The following CETP variants were observed in gnomAD, a reference collection of about 807,000 sequenced individuals.
CETP encodes BPI fold containing family F.
In CETP, 56 loss-of-function variants were observed where a neutral mutation model predicts 66.5. The ratio of observed to expected loss-of-function variants is 0.84; its 90% CI spans 0.68 to 1.05. The LOEUF (loss-of-function observed/expected upper bound fraction) is 1.05, where lower values mean the gene tolerates loss of function less well. Among genes scored for constraint, CETP ranks in the 50% least tolerant of loss-of-function variants. The probability of loss-of-function intolerance (pLI) is 0.00; values close to 1 mark genes in which losing one functional copy is unlikely to be tolerated. For missense variants in CETP, 612 were observed against 609.6 expected, an observed-to-expected ratio of 1.00 and a Z score of -0.04; for synonymous variants, 251 against 245.7, an observed-to-expected ratio of 1.02 and a Z score of -0.20.
chr16:56,969,573 G>A (rs1726310745), intron 3 of CETP, 38 bp from the exon 4 acceptor site: 3 of 1,614,230 alleles, frequency 1.9e-6, no homozygotes, highest in Non-Finnish European at 2.5e-6. Flanking sequence ...CTGGGCTGGA[G>A]GGCTGAATGA....
chr16:56,982,888 G>A (rs147526510), intron 14 of CETP, among the ~76,000 whole-genome samples: 1 of 152,304 alleles, frequency 6.6e-6, no homozygotes, highest in East Asian at 1.9e-4. Context: ...GCATCTCTTG[G>A]CCTCATTTTC....
Position 56,967,668 on chromosome 16 carries a change from AAAAC to A in CETP, c.234-1715_234-1712del, listed in dbSNP as rs200184680. The stretch of plus-strand genomic sequence containing the variant: ...AGACTCAGTCTCAAAAAAAAAAAAA[AAAAC>A]AATGGTATGAGCTTTAAATTTCTGT... On this transcript the variant is annotated intron_variant, in intron 2 of 15. Transcript: ENST00000200676. Among the ~76,000 whole-genome samples the A allele has an allele frequency of 9.1e-3, 1,340 of 147,484 alleles. 16 individuals carry two copies. Among genetic ancestry groups the A allele is most frequent in the African/African-American group, 0.023 (934 of 41,114 alleles).
rs761381765 is a variant in CETP at position 56,962,092 on chromosome 16, T to C, written c.113T>C (p.Leu38Pro). 1 of 1,613,230 alleles carries C rather than the reference T, an allele frequency of 6.2e-7. No homozygotes were observed. The highest frequency in any genetic ancestry group is 1.1e-5 in the South Asian group (1 of 91,052). ...IVCRITKPALLVLNHETAKVI... is the reference protein window; with the variant it reads ...IVCRITKPALPVLNHETAKVI... ...TGCCGCATCACCAAGCCTGCCCTCC[T>C]GGTGTGTAAGTATCAGTGCATCTGT... is the stretch of plus-strand genomic sequence containing the variant. The change falls in exon 1 of 16, where the codon CTG becomes CCG. Residue 38 changes from leucine (L) to proline (P), a missense_variant. By Grantham distance (98) the Leu-to-Pro change is moderately conservative. Coordinates refer to ENST00000200676, the MANE Select transcript of CETP (RefSeq NM_000078.3).
intron 1 of CETP, chr16:56,962,343 G>C (rs746230197): frequency 7.0e-6 from 5 of 709,458 alleles, no homozygotes; most frequent in South Asian, 5.5e-5. Context: ...ATAGGGATTT[G>C]TGTTTGTCTG....
chr16:56,975,169 C>G lies in CETP; in HGVS notation c.981+18C>G, dbSNP rs773241249. The G allele has an allele frequency of 3.1e-6, 5 of 1,613,310 alleles. No individual in the cohort carries two copies. The highest frequency in any genetic ancestry group is 4.2e-6 in the Non-Finnish European group (5 of 1,179,226). ...TCCAAGAGGTAACTGCCCCCTGCCC[C>G]TGTGTGGGGTTTATCTCACGTACCC... On this transcript the variant is annotated intron_variant, in intron 10 of 15. Transcript: ENST00000200676.
At chr16:56,962,397 C>A in intron 1 of CETP, 1 of 644,320 alleles carries the variant, frequency 1.6e-6, no homozygotes, top group Non-Finnish European at 2.9e-6. Flanking sequence ...CAGATCTGAG[C>A]CAGGTTAGGG....
rs1426354555 is a variant in CETP at position 56,972,064 on chromosome 16, A to G, written c.731A>G (p.Tyr244Cys). 1.2e-6 allele frequency: 2 copies of G among 1,613,722 alleles called. No individual in the cohort carries two copies. The highest frequency in any genetic ancestry group is 2.2e-5 in the South Asian group (2 of 91,076). The change falls in exon 8 of 16, where the codon TAC (tyrosine) becomes TGC (cysteine). Residue 244 changes from tyrosine to cysteine, a missense_variant. Coordinates refer to ENST00000200676, the MANE Select transcript of CETP (RefSeq NM_000078.3). ...LTGDPVITAS[Y>C]LESHHKGHFI... Reference sequence around the variant, plus strand: ...GGTGATCCCGTCATCACAGCCTCCTACCTGGAGTCCCATCACAAGGTAGGA... The same window carrying G: ...GGTGATCCCGTCATCACAGCCTCCTGCCTGGAGTCCCATCACAAGGTAGGA...
chr16:56,972,177 T>C (rs2056116329), intron 8 of CETP, 94 bp downstream of exon 8: 5 of 920,276 alleles, frequency 5.4e-6, no homozygotes, highest in Non-Finnish European at 8.7e-6. Flanking sequence ...AGCTTCAACC[T>C]TATGGCAGCC....
At position 56,983,603 on chromosome 16, in the gene CETP, G is replaced by A. The variant is rs2056204295; in HGVS notation, c.1419G>A (p.Leu473=). ...GCCCCTCCCTTCAGGGCTTCCTGCTGCTGCAGATGGACTTTGGCTTCCCTG... is the reference window on the plus strand; with the variant it reads ...GCCCCTCCCTTCAGGGCTTCCTGCTACTGCAGATGGACTTTGGCTTCCCTG... ...PEIITRDGFL[L]LQMDFGFPEH... The change falls in exon 16 of 16, where the codon CTG becomes CTA. Residue 473 remains leucine, a synonymous_variant. Transcript: ENST00000200676. 4 of 1,614,068 alleles carry A rather than the reference G, an allele frequency of 2.5e-6. No individual in the cohort carries two copies. The highest frequency in any genetic ancestry group is 1.7e-5 in the Admixed American group (1 of 60,010).
chr16:56,981,398 G>C (rs2056186568), intron 12 of CETP, among the ~76,000 whole-genome samples, 173 bp downstream of exon 12: 1 of 151,480 alleles, frequency 6.6e-6, no homozygotes, highest in African/African-American at 2.4e-5. Flanking sequence ...TCGTGGGGAA[G>C]AAGGGGCTCC....
At chr16:56,981,364 T>C in intron 12 of CETP, 139 bp downstream of exon 12, 1 of 818,642 alleles carries the variant, frequency 1.2e-6, no homozygotes, top group Non-Finnish European at 2.1e-6. Context: ...TGCAGGGAGA[T>C]AAGACCCTGC....
intron 9 of CETP, among the ~76,000 whole-genome samples, 166 bp downstream of exon 9, chr16:56,973,676 C>A (rs1373663546): frequency 2.0e-5 from 3 of 152,232 alleles, no homozygotes; most frequent in Admixed American, 6.5e-5. Context: ...TGGCTCACAC[C>A]TGTAATCCCA....
intron 14 of CETP, among the ~76,000 whole-genome samples, 186 bp downstream of exon 14, chr16:56,982,423 A>G (rs1283152319): frequency 1.3e-5 from 2 of 151,892 alleles, no homozygotes; most frequent in Non-Finnish European, 2.9e-5. Flanking sequence ...AGATGCCCAG[A>G]CCCCTGTTCT....
In CETP at chr16:56,983,373, C is replaced by A; in HGVS notation, c.1369C>A (p.Leu457Ile). ...CCTCATGAACAGCAAAGGCGTGAGC[C>A]TCTTCGACATCATCAACCCTGAGAT... Reference protein sequence around the residue: ...TALMNSKGVSLFDIINPEIIT... With the variant: ...TALMNSKGVSIFDIINPEIIT... Residue 457 changes from leucine (L) to isoleucine (I), a missense_variant, in exon 15 of 16, where the codon CTC becomes ATC. Coordinates refer to ENST00000200676, the MANE Select transcript of CETP (RefSeq NM_000078.3). 2 of 1,614,252 alleles carry A rather than the reference C, an allele frequency of 1.2e-6. No individual in the cohort carries two copies. The highest frequency in any genetic ancestry group is 1.6e-4 in the Middle Eastern group (1 of 6,062).
chr16:56,962,173 C>T lies in CETP; in HGVS notation c.118+76C>T, dbSNP rs1035907555. 5.5e-6 allele frequency: 7 copies of T among 1,264,424 alleles called. 1 individual carries two copies. In the South Asian group the frequency reaches 7.2e-5, roughly 13 times the overall value. The allele number at this position is 1,264,424 out of a possible 1,614,324, so 78.3% of individuals were successfully genotyped here. Reference sequence around the variant, plus strand: ...CCACTATGCCAGGAGCCTCCCTGGCCTGAAGCCAGCCCTGAAGCCGGCTGC... The same window carrying T: ...CCACTATGCCAGGAGCCTCCCTGGCTTGAAGCCAGCCCTGAAGCCGGCTGC... On this transcript the variant is annotated intron_variant, in intron 1 of 15. Transcript: ENST00000200676.
chr16:56,969,642 A>T lies in CETP; in HGVS notation c.400A>T (p.Ile134Phe), dbSNP rs774785581. The change falls in exon 4 of 16, where the codon ATC becomes TTC. Residue 134 changes from isoleucine (I) to phenylalanine (F), a missense_variant. Transcript: ENST00000200676. ...LGIDQSIDFE[I>F]DSAIDLQINT... ...TATTGATCAGTCCATTGACTTCGAGATCGACTCTGCCATTGACCTCCAGAT... is the reference window on the plus strand; with the variant it reads ...TATTGATCAGTCCATTGACTTCGAGTTCGACTCTGCCATTGACCTCCAGAT... 6.2e-7 allele frequency: 1 copy of T among 1,613,794 alleles called. No individual in the cohort carries two copies. The highest frequency in any genetic ancestry group is 1.1e-5 in the South Asian group (1 of 91,056).
chr16:56,973,555 G>T, intron 9 of CETP, 45 bp downstream of exon 9: 1 of 1,608,182 alleles, frequency 6.2e-7, no homozygotes, highest in South Asian at 1.1e-5. Flanking sequence ...GATGGCATGT[G>T]GTATGTGTGT....
chr16:56,965,008 G>T (rs569767443), intron 2 of CETP, among the ~76,000 whole-genome samples: 4 of 152,148 alleles, frequency 2.6e-5, no homozygotes, highest in South Asian at 2.1e-4. Context: ...AGCTACTCAG[G>T]AGGCCAGGGG....
chr16:56,981,062 C>T (rs1389689598), intron 11 of CETP, 96 bp from the exon 12 acceptor site: 10 of 897,800 alleles, frequency 1.1e-5, no homozygotes, highest in Admixed American at 1.7e-5. Flanking sequence ...CCTCTCCAGT[C>T]CCTCAGTGGA....
Sources: allele counts gnomAD v4.1 joint callset (sites outside exome capture counted in the v4.1 genomes callset), GRCh38; gene constraint gnomAD v4.1.1; transcripts MANE v1.5; gene names NCBI Gene and HGNC (gene_info 2026-07-23, HGNC 2026-07-21).